CYREN: variants seen among roughly 807,000 people sequenced by gnomAD.
CYREN encodes the protein cell cycle regulator of NHEJ, also known as cell cycle regulator of non-homologous end joining.
Under a neutral mutation model 9.7 loss-of-function variants are expected in CYREN, and 7 were observed. The observed-to-expected ratio is 0.72, with a 90% CI of 0.41 to 1.36. The LOEUF (loss-of-function observed/expected upper bound fraction) is 1.36. Ranked by LOEUF, CYREN falls within the 40% of genes most tolerant of loss-of-function variation. CYREN has a pLI of 0.01. For missense variants in CYREN, 215 were observed against 198.1 expected (o/e 1.09, Z -0.51); for synonymous variants, 76 against 77.9 (o/e 0.98, Z 0.13).
chr7:135,168,456 T>A, intron 2 of CYREN: 1 of 383,400 alleles, frequency 2.6e-6, no homozygotes, highest in Non-Finnish European at 4.7e-6. Flanking sequence ...ATCTTGCCCA[T>A]CTGATGTTAC....
rs1222519318 is a variant in CYREN, at chr7:135,166,854, C to G, written c.231G>C (p.Lys77Asn). The G allele has an allele frequency of 6.2e-7, 1 of 1,613,534 alleles. No homozygotes were observed. The highest frequency in any genetic ancestry group is 1.3e-5 in the African/African-American group (1 of 74,920). ...GILIESRKQE[K>N]ACEQPALAGA... The stretch of plus-strand genomic sequence containing the variant: ...CCGCCAGGGCCGGCTGCTCGCAGGC[C>G]TTTTCCTGTTTGCGGCTCTGTGGAG... Residue 77 changes from lysine (K) to asparagine (N), a missense_variant, in exon 4 of 4, where the codon AAG (lysine) becomes AAC (asparagine). Coordinates refer to ENST00000393114, the MANE Select transcript of CYREN (RefSeq NM_024033.4).
intron 1 of CYREN, among the ~76,000 whole-genome samples, chr7:135,169,736 T>C (rs988196697): frequency 1.3e-5 from 2 of 151,972 alleles, no homozygotes; most frequent in Non-Finnish European, 1.5e-5. Flanking sequence ...AGAGATGGAG[T>C]TGTGACTCAG....
intron 2 of CYREN, among the ~76,000 whole-genome samples, chr7:135,114,907 T>A (rs1826111101): frequency 6.6e-6 from 1 of 152,182 alleles, no homozygotes; most frequent in Non-Finnish European, 1.5e-5. Context: ...AGGCCCAACA[T>A]GAGCTGAGTC....
At chr7:135,127,925 C>A (rs1299075953) in intron 2 of CYREN, among the ~76,000 whole-genome samples, 2 of 152,130 alleles carry the variant, frequency 1.3e-5, no homozygotes, top group Non-Finnish European at 2.9e-5. Context: ...GGAACCAACC[C>A]AAATACCCAT....
At chr7:135,119,930 C>G (rs1826907823) in intron 2 of CYREN, among the ~76,000 whole-genome samples, 1 of 152,026 alleles carries the variant, frequency 6.6e-6, no homozygotes, top group African/African-American at 2.4e-5. Flanking sequence ...ACCTTTCCTA[C>G]AGAGGAAAAA....
intron 2 of CYREN, among the ~76,000 whole-genome samples, chr7:135,159,024 G>C (rs1318348412): frequency 1.3e-5 from 2 of 152,206 alleles, no homozygotes; most frequent in African/African-American, 4.8e-5. Flanking sequence ...TCCTTCCGTG[G>C]CCAAGATTAT....
downstream of CYREN, among the ~76,000 whole-genome samples, chr7:135,161,741 G>T (rs150167871): frequency 6.6e-6 from 1 of 152,006 alleles, no homozygotes; most frequent in South Asian, 2.1e-4. This position sits in a 1 kb window ranked among gnomAD's most constrained non-coding sequence, Gnocchi z 4.1. Context: ...ATTCAAACCC[G>T]AGTCTTCAGA....
At chr7:135,106,402 TA>T (rs1227607645) in intron 2 of CYREN, among the ~76,000 whole-genome samples, 1 of 152,196 alleles carries the variant, frequency 6.6e-6, no homozygotes, top group Non-Finnish European at 1.5e-5. Flanking sequence ...AATACTAGTT[TA>T]TTGAGAGTTT....
Position 135,168,954 on chromosome 7 carries a change from C to T in CYREN, c.-32G>A, listed in dbSNP as rs559438436. ...ACCTTCTCACAAAGAAGAGTCAGGG[C>T]CCAAGCTTAATGACCTGTTTTTTAA... On this transcript the variant is annotated 5_prime_UTR_variant, in exon 2 of 4. Transcript: ENST00000393114. 4 of 1,531,154 alleles carry T rather than the reference C, an allele frequency of 2.6e-6. No homozygotes were observed. In the East Asian group the frequency reaches 9.6e-5, roughly 37 times the overall value. The allele number at this position is 1,531,154 out of a possible 1,614,324, so 94.8% of individuals were successfully genotyped here.
chr7:135,105,142 T>G (rs977656799), intron 2 of CYREN, among the ~76,000 whole-genome samples: 5 of 146,538 alleles, frequency 3.4e-5, no homozygotes, highest in African/African-American at 1.0e-4. Flanking sequence ...TAATCTTGGC[T>G]CACTGCAACC....
chr7:135,117,335 C>T (rs1393908446), intron 2 of CYREN, among the ~76,000 whole-genome samples: 2 of 150,034 alleles, frequency 1.3e-5, no homozygotes, highest in East Asian at 4.1e-4. Flanking sequence ...AGACCCTATT[C>T]ATTTTGGCTT....
chr7:135,106,887 C>A (rs1824811052), intron 2 of CYREN, among the ~76,000 whole-genome samples: 1 of 152,076 alleles, frequency 6.6e-6, no homozygotes, highest in Non-Finnish European at 1.5e-5. Flanking sequence ...GATTCTATTT[C>A]AGAGGTCACT....
At position 135,106,078 on chromosome 7, in the gene CYREN, A is replaced by G. The variant is rs577213191; in HGVS notation, n.357-11496T>C. 3.3e-4 allele frequency among the ~76,000 whole-genome samples: 50 copies of G among 152,206 alleles called. 1 individual carries two copies. The South Asian group carries it at 7.5e-3, about 23-fold the overall frequency. ...ATAGGAATGCCAGTGATTTTTGTAC[A>G]TTGATTTTGTATCCTGAAACTTCCT... On this transcript the variant is annotated intron_variant and non_coding_transcript_variant, in intron 2 of 2. Transcript: ENST00000459937.
At chr7:135,132,359 TA>T (rs1395832467) in intron 2 of CYREN, among the ~76,000 whole-genome samples, 4 of 152,226 alleles carry the variant, frequency 2.6e-5, no homozygotes, top group Admixed American at 6.5e-5. Flanking sequence ...GTTAGTTTAA[TA>T]TTCAAAAAGT....
At chr7:135,152,532 T>A (rs570316793) in intron 2 of CYREN, among the ~76,000 whole-genome samples, 35 of 152,378 alleles carry the variant, frequency 2.3e-4, no homozygotes, top group Non-Finnish European at 3.4e-4. Context: ...CCTACATGGT[T>A]GTAAGAAATT....
chr7:135,121,945 T>C (rs182650168), intron 2 of CYREN, among the ~76,000 whole-genome samples: 90 of 152,336 alleles, frequency 5.9e-4, no homozygotes, highest in African/African-American at 2.0e-3. Context: ...CACCAGGGCC[T>C]AGCGTCCCAA....
chr7:135,098,259 A>G (rs1187506856), intron 2 of CYREN, among the ~76,000 whole-genome samples: 1 of 152,188 alleles, frequency 6.6e-6, no homozygotes, highest in Non-Finnish European at 1.5e-5. Flanking sequence ...TCCTACAGAT[A>G]CCAAAATCTG....
At chr7:135,125,577 A>T (rs1016383020) in intron 2 of CYREN, among the ~76,000 whole-genome samples, 1 of 152,208 alleles carries the variant, frequency 6.6e-6, no homozygotes, top group African/African-American at 2.4e-5. Context: ...AAAACCAGGA[A>T]GAGACACAAC....
chr7:135,164,870 G>A (rs1447397098), downstream of CYREN: 1 of 1,614,078 alleles, frequency 6.2e-7, no homozygotes, highest in African/African-American at 1.3e-5. Flanking sequence ...AGTGGGTCAG[G>A]CTCTCCCTCC....
Sources: gnomAD v4.1 joint callset for allele counts (sites outside exome capture counted in the v4.1 genomes callset) on GRCh38, gnomAD v4.1.1 for gene constraint, Gnocchi (gnomAD v3.1) non-coding constraint, MANE v1.5 for transcripts, NCBI Gene and HGNC (gene_info 2026-07-23, HGNC 2026-07-21) for gene names.